The following PTPRN2 variants were observed in gnomAD, a reference collection of about 807,000 sequenced individuals.
PTPRN2 encodes receptor-type tyrosine-protein phosphatase N2.
Under a neutral mutation model 118.8 loss-of-function variants are expected in PTPRN2, and 74 were observed. The ratio of observed to expected loss-of-function variants is 0.62; its 90% CI spans 0.52 to 0.76. PTPRN2 has a LOEUF of 0.76. Among genes scored for constraint, PTPRN2 ranks in the 30% least tolerant of loss-of-function variants. The pLI is 0.00. For missense variants in PTPRN2, 1,481 were observed against 1,394.4 expected (o/e 1.06, Z -0.99); for synonymous variants, 641 against 608.0 (o/e 1.05, Z -0.80).
At chr7:158,141,307 A>G (rs1156602907) in intron 6 of PTPRN2, among the ~76,000 whole-genome samples, 2 of 152,248 alleles carry the variant, frequency 1.3e-5, no homozygotes, top group Admixed American at 1.3e-4. Context: ...GTGTCTGCAC[A>G]GGGCTCGACA....
At chr7:157,882,399 C>T (rs1173184488) in intron 12 of PTPRN2, among the ~76,000 whole-genome samples, 1 of 151,148 alleles carries the variant, frequency 6.6e-6, no homozygotes, top group African/African-American at 2.4e-5. Flanking sequence ...CAGAATACAC[C>T]ACCCTGAAAT....
chr7:157,703,568 C>T (rs1402005678), intron 12 of PTPRN2, among the ~76,000 whole-genome samples: 6 of 152,210 alleles, frequency 3.9e-5, no homozygotes, highest in South Asian at 2.1e-4. Context: ...GAGCTAGCAA[C>T]GTCAAGCCGT....
rs534454823 is a variant in PTPRN2, at chr7:158,374,003, G to A, written c.164-57071C>T. 4.1e-4 allele frequency among the ~76,000 whole-genome samples: 62 copies of A among 152,332 alleles called. 1 individual carries two copies. The highest frequency in any genetic ancestry group is 1.2e-3 in the African/African-American group (48 of 41,576). On this transcript the variant is annotated intron_variant, in intron 2 of 22. Transcript: ENST00000389418. Reference sequence around the variant, plus strand: ...TGCTGGGCTGGGCCCTGAGGGAAACGGGCAGAGTGTGATGACTGTTCCCAC... The same window carrying A: ...TGCTGGGCTGGGCCCTGAGGGAAACAGGCAGAGTGTGATGACTGTTCCCAC...
At chr7:157,661,089 C>T (rs1276314058) in intron 13 of PTPRN2, among the ~76,000 whole-genome samples, 1 of 152,250 alleles carries the variant, frequency 6.6e-6, no homozygotes, top group Non-Finnish European at 1.5e-5. Flanking sequence ...AAGCCGACAT[C>T]GCCTCCTCCG....
chr7:157,845,769 C>T lies in PTPRN2; in HGVS notation c.1788+52904G>A, dbSNP rs916999575. ...ACAGAGACGGGGACGGCAGCAAGGA[C>T]ACAGCAGGGCCATGGGCAGAGGAAG... On this transcript the variant is annotated intron_variant, in intron 12 of 22. Transcript: ENST00000389418. This position sits in a 1 kb window ranked among gnomAD's most constrained non-coding sequence, Gnocchi z 4.5. 6.6e-6 allele frequency among the ~76,000 whole-genome samples: 1 copy of T among 152,114 alleles called. No homozygotes were observed. Among genetic ancestry groups the T allele is most frequent in the African/African-American group, 2.4e-5 (1 of 41,410 alleles).
chr7:158,269,679 G>C (rs1198634138), intron 3 of PTPRN2, among the ~76,000 whole-genome samples: 1 of 152,162 alleles, frequency 6.6e-6, no homozygotes, highest in Non-Finnish European at 1.5e-5. Context: ...GGTTCTGCCA[G>C]GGCCCAGGAG....
At chr7:158,204,212 G>C (rs1251482514) in intron 4 of PTPRN2, among the ~76,000 whole-genome samples, 1 of 148,442 alleles carries the variant, frequency 6.7e-6, no homozygotes, top group South Asian at 2.2e-4. Flanking sequence ...TGGTGAAGAC[G>C]AAGCCCCCGC....
intron 12 of PTPRN2, among the ~76,000 whole-genome samples, chr7:157,833,857 GCTTT>G (rs1304291374): frequency 1.3e-5 from 2 of 152,202 alleles, no homozygotes; most frequent in East Asian, 1.9e-4. Context: ...CAGCATTGTG[GCTTT>G]CTGAGTCGAA....
chr7:157,915,947 C>G (rs183540968), intron 11 of PTPRN2, among the ~76,000 whole-genome samples: 86 of 152,312 alleles, frequency 5.6e-4, no homozygotes, highest in African/African-American at 1.9e-3. Flanking sequence ...CTCTGCCCCG[C>G]CCCAGCTGCT....
At position 157,615,784 on chromosome 7, in the gene PTPRN2, G is replaced by A. The variant is rs548955189; in HGVS notation, c.2344+5578C>T. On this transcript the variant is annotated intron_variant, in intron 15 of 22. Coordinates refer to ENST00000389418, the MANE Select transcript of PTPRN2 (RefSeq NM_002847.5). This position sits in a 1 kb window ranked among gnomAD's most constrained non-coding sequence, Gnocchi z 4.3. ...ATCGGTTACAGGAGATGAACACAAG[G>A]CTCGATTCTCCTGTTAAACTTGACT... The A allele has an allele frequency of 1.1e-5, 4 of 367,298 alleles. No individual in the cohort carries two copies. Among genetic ancestry groups the A allele is most frequent in the Middle Eastern group, 1.5e-3 (2 of 1,334 alleles). The allele number at this position is 367,298 out of a possible 1,614,324, so 22.8% of individuals were successfully genotyped here.
At chr7:157,829,880 T>G (rs1443851774) in intron 12 of PTPRN2, among the ~76,000 whole-genome samples, 2 of 152,222 alleles carry the variant, frequency 1.3e-5, no homozygotes, top group East Asian at 1.9e-4. Context: ...TGGTGATGTC[T>G]CCTCTGCCCC....
Position 157,847,853 on chromosome 7 carries a change from C to T in PTPRN2, c.1788+50820G>A, listed in dbSNP as rs1178920551. ...TCACTCCATCATGTGTGCCCGATGT[C>T]TACAGAGCCCTCTCTCATTACATCA... On this transcript the variant is annotated intron_variant, in intron 12 of 22. Coordinates refer to ENST00000389418, the MANE Select transcript of PTPRN2 (RefSeq NM_002847.5). Among the ~76,000 whole-genome samples the T allele has an allele frequency of 8.4e-3, 745 of 88,544 alleles. 2 individuals are homozygous for T. Among genetic ancestry groups the T allele is most frequent in the African/African-American group, 0.02 (458 of 22,896 alleles). 58.1% of individuals were successfully genotyped at this position (88,544 alleles called of 152,430 possible). A position where few individuals can be genotyped will look rare whatever the true frequency, so the allele number is the denominator to read the frequency against.
At position 158,570,606 on chromosome 7, in the gene PTPRN2, CCACA is replaced by C. The variant is rs757283035; in HGVS notation, c.112+16948_112+16951del. 2.0e-5 allele frequency among the ~76,000 whole-genome samples: 3 copies of C among 152,326 alleles called. No individual in the cohort carries two copies. The East Asian group carries it at 5.8e-4, about 29-fold the overall frequency. On this transcript the variant is annotated intron_variant, in intron 1 of 22. Transcript: ENST00000389418. The surrounding 1 kb of genome is among the most constrained non-coding windows in gnomAD (Gnocchi z 4.5). The stretch of plus-strand genomic sequence containing the variant: ...CCGAGTGGCCTGCTAGCCCGCTCTC[CCACA>C]CAGTCTCCTTGATGTGAAGTGTCAC...
intron 3 of PTPRN2, among the ~76,000 whole-genome samples, chr7:158,310,634 G>A (rs1210438108): frequency 2.0e-5 from 3 of 152,138 alleles, no homozygotes; most frequent in Admixed American, 2.0e-4. Context: ...CGCAGCCTGA[G>A]CCAGACAGAG....
rs969862513 is a variant in PTPRN2 at position 157,591,893 on chromosome 7, G to A, written c.2496+3345C>T. Reference sequence around the variant, plus strand: ...AAGCAATGACGTCGTGGTCAGGGACGTCTGCAGGGAGCAAAATGAAGCGAG... The same window carrying A: ...AAGCAATGACGTCGTGGTCAGGGACATCTGCAGGGAGCAAAATGAAGCGAG... On this transcript the variant is annotated intron_variant, in intron 17 of 22. Coordinates refer to ENST00000389418, the MANE Select transcript of PTPRN2 (RefSeq NM_002847.5). This position sits in a 1 kb window ranked among gnomAD's most constrained non-coding sequence, Gnocchi z 4.4. Among the ~76,000 whole-genome samples, 4 of 152,176 alleles carry A rather than the reference G, an allele frequency of 2.6e-5. No homozygotes were observed. The highest frequency in any genetic ancestry group is 4.8e-5 in the African/African-American group (2 of 41,444).
At chr7:157,910,886 G>GA (rs1798069376) in intron 11 of PTPRN2, among the ~76,000 whole-genome samples, 1 of 152,234 alleles carries the variant, frequency 6.6e-6, no homozygotes, top group Non-Finnish European at 1.5e-5. Flanking sequence ...CCAATGTTTG[G>GA]ATGTTTAATT....
At chr7:157,768,519 A>G (rs1802618311) in intron 12 of PTPRN2, among the ~76,000 whole-genome samples, 1 of 152,192 alleles carries the variant, frequency 6.6e-6, no homozygotes, top group African/African-American at 2.4e-5. Flanking sequence ...CTTGTCTTCA[A>G]GGAGCCATGA....
chr7:158,071,349 G>A (rs377136123), intron 11 of PTPRN2, among the ~76,000 whole-genome samples: 173 of 93,384 alleles, frequency 1.9e-3, no homozygotes, highest in African/African-American at 3.3e-3. Context: ...GGAGGTGCTC[G>A]TGGTGGTGGA....
rs1803002990 is a variant in PTPRN2 at position 157,773,393 on chromosome 7, A to G, written c.1789-90456T>C. Reference sequence around the variant, plus strand: ...CAGGAGATGAAAACCTGTTCTTACAATGCGTGGGACTCTTACCCTGACGAG... The same window carrying G: ...CAGGAGATGAAAACCTGTTCTTACAGTGCGTGGGACTCTTACCCTGACGAG... On this transcript the variant is annotated intron_variant, in intron 12 of 22. Transcript: ENST00000389418. Among the ~76,000 whole-genome samples, 3 of 152,198 alleles carry G rather than the reference A, an allele frequency of 2.0e-5. No homozygotes were observed. In the South Asian group the frequency reaches 6.2e-4, roughly 32 times the overall value.
Sources: gnomAD v4.1 joint callset for allele counts (sites outside exome capture counted in the v4.1 genomes callset) on GRCh38, gnomAD v4.1.1 for gene constraint, Gnocchi (gnomAD v3.1) non-coding constraint, MANE v1.5 for transcripts, NCBI Gene and HGNC (gene_info 2026-07-23, HGNC 2026-07-21) for gene names.